The following NCAM2 variants were observed in gnomAD, a reference collection of about 807,000 sequenced individuals.
NCAM2 encodes the protein N-CAM-2.
A neutral mutation model predicts 98.1 loss-of-function variants in NCAM2; 30 were observed. That is an observed-to-expected ratio of 0.31 (90% CI 0.23 to 0.41). The LOEUF (loss-of-function observed/expected upper bound fraction) is 0.41. Among genes scored for constraint, NCAM2 ranks in the 10% least tolerant of loss-of-function variants. NCAM2 has a pLI of 1.00. For synonymous variants in NCAM2, 368 were observed against 342.4 expected, an observed-to-expected ratio of 1.07 and a Z score of -0.83; for missense variants, 867 against 1,005.8, an observed-to-expected ratio of 0.86 and a Z score of 1.87.
Position 21,437,109 on chromosome 21 carries a change from G to T in NCAM2, c.1654+4828G>T, listed in dbSNP as rs77738883. On this transcript the variant is annotated intron_variant, in intron 12 of 17. Coordinates refer to ENST00000400546, the MANE Select transcript of NCAM2 (RefSeq NM_004540.5). ...TTTTAAATGGAAACTAAGGTTCAAA[G>T]TGTTTATGAGAGATTAACACACTTT... is the stretch of plus-strand genomic sequence containing the variant. Among the ~76,000 whole-genome samples, 433 of 152,154 alleles carry T rather than the reference G, an allele frequency of 2.8e-3. 1 individual carries two copies. Among genetic ancestry groups the T allele is most frequent in the African/African-American group, 0.01 (419 of 41,512 alleles).
intron 1 of NCAM2, among the ~76,000 whole-genome samples, chr21:21,104,445 A>T (rs1417880103): frequency 6.6e-6 from 1 of 152,160 alleles, no homozygotes. Flanking sequence ...GATAACTTCT[A>T]CTTCATACTT....
intron 1 of NCAM2, among the ~76,000 whole-genome samples, chr21:21,230,394 C>T (rs181741834): frequency 4.6e-5 from 7 of 151,154 alleles, no homozygotes; most frequent in Admixed American, 1.3e-4. Context: ...AAATTGGCCA[C>T]GCTGTCTATT....
chr21:21,487,220 A>G (rs1213995749), intron 15 of NCAM2, among the ~76,000 whole-genome samples: 1 of 152,172 alleles, frequency 6.6e-6, no homozygotes, highest in Non-Finnish European at 1.5e-5. Context: ...CTGTTGTTAT[A>G]TGCAGCCATA....
At chr21:21,299,281 T>A (rs1421877326) in intron 5 of NCAM2, among the ~76,000 whole-genome samples, 1 of 150,996 alleles carries the variant, frequency 6.6e-6, no homozygotes, top group Non-Finnish European at 1.5e-5. Flanking sequence ...GAATGACCAG[T>A]ATCACCACTA....
rs562791758 is a variant in NCAM2, at chr21:21,518,689, A to C, written c.2282+9634A>C. Among the ~76,000 whole-genome samples, 10 of 151,920 alleles carry C rather than the reference A, an allele frequency of 6.6e-5. No homozygotes were observed. The South Asian group carries it at 8.3e-4, about 13-fold the overall frequency. ...AAGGTATAGATAGAGATATATATTA[A>C]ATTTTATAAGTCTTCTCTTTTGCCC... On this transcript the variant is annotated intron_variant, in intron 16 of 17. Coordinates refer to ENST00000400546, the MANE Select transcript of NCAM2 (RefSeq NM_004540.5).
At chr21:21,029,007 T>C (rs2064613549) in intron 1 of NCAM2, among the ~76,000 whole-genome samples, 1 of 152,214 alleles carries the variant, frequency 6.6e-6, no homozygotes, top group South Asian at 2.1e-4. Flanking sequence ...AGTATTTGAA[T>C]GCAAACAGAG....
chr21:21,323,424 CT>C (rs2074428758), intron 5 of NCAM2, among the ~76,000 whole-genome samples: 1 of 152,062 alleles, frequency 6.6e-6, no homozygotes, highest in Non-Finnish European at 1.5e-5. Flanking sequence ...GACCTGAATG[CT>C]ATTATAGAGA....
intron 9 of NCAM2, 111 bp from the exon 10 acceptor site, chr21:21,410,163 G>A: frequency 3.2e-6 from 2 of 620,754 alleles, no homozygotes; most frequent in South Asian, 5.3e-5. Context: ...CACGAAATTA[G>A]AATTATGTGG....
At chr21:21,298,365 A>G (rs1157283454) in intron 5 of NCAM2, among the ~76,000 whole-genome samples, 3 of 110,674 alleles carry the variant, frequency 2.7e-5, no homozygotes, top group Non-Finnish European at 3.7e-5. Context: ...TAACAATGTT[A>G]TATAATATAC....
chr21:21,354,288 A>C (rs903063577), intron 8 of NCAM2, among the ~76,000 whole-genome samples: 4 of 152,156 alleles, frequency 2.6e-5, no homozygotes, highest in Non-Finnish European at 4.4e-5. Context: ...GTACAGCAAT[A>C]AATTATAACT....
intron 1 of NCAM2, among the ~76,000 whole-genome samples, chr21:21,278,674 C>T (rs1345779204): frequency 6.6e-6 from 1 of 152,046 alleles, no homozygotes; most frequent in African/African-American, 2.4e-5. Context: ...GTCATGTAGA[C>T]CCTGCCCAAG....
At chr21:21,223,841 A>G (rs1356486904) in intron 1 of NCAM2, 1 of 152,192 alleles carries the variant, frequency 6.6e-6, no homozygotes, top group South Asian at 2.1e-4. Context: ...CAGAGATAAA[A>G]TGACATGCCT....
chr21:21,466,090 T>C (rs1983644225), intron 12 of NCAM2, among the ~76,000 whole-genome samples: 1 of 152,050 alleles, frequency 6.6e-6, no homozygotes, highest in South Asian at 2.1e-4. Flanking sequence ...TTAAAACAAC[T>C]TGATTTGATT....
intron 1 of NCAM2, among the ~76,000 whole-genome samples, chr21:21,265,496 A>C (rs890190374): frequency 5.6e-5 from 8 of 142,182 alleles, no homozygotes; most frequent in South Asian, 2.2e-4. Context: ...ACACATATAT[A>C]ATATATGTGT....
intron 14 of NCAM2, among the ~76,000 whole-genome samples, chr21:21,471,374 A>G (rs1984421691): frequency 6.6e-6 from 1 of 152,004 alleles, no homozygotes; most frequent in African/African-American, 2.4e-5. Flanking sequence ...CTACTTCAAA[A>G]AGTTCTTGAT....
At chr21:21,530,206 TA>T (rs770608692) in intron 16 of NCAM2, among the ~76,000 whole-genome samples, 18,496 of 84,076 alleles carry the variant, frequency 0.22, 2,400 homozygotes, top group Admixed American at 0.32. Context: ...TAATTATATA[TA>T]ATTTAATTTA....
intron 8 of NCAM2, among the ~76,000 whole-genome samples, chr21:21,346,194 A>AT (rs1405069040): frequency 1.4e-5 from 2 of 138,574 alleles, no homozygotes; most frequent in African/African-American, 2.8e-5. Flanking sequence ...ACAATATTCC[A>AT]TGCCAACTGA....
At chr21:21,002,191 T>C (rs186191144) in intron 1 of NCAM2, among the ~76,000 whole-genome samples, 2 of 152,246 alleles carry the variant, frequency 1.3e-5, no homozygotes. Flanking sequence ...CACTACTTCA[T>C]ATCAAAGGAG....
intron 1 of NCAM2, among the ~76,000 whole-genome samples, chr21:21,274,071 C>G (rs1296727965): frequency 4.6e-5 from 7 of 151,036 alleles, no homozygotes; most frequent in Non-Finnish European, 1.0e-4. Context: ...AGGCTTGAGG[C>G]AGGAGAATCA....
Sources: gnomAD v4.1 joint callset for allele counts (sites outside exome capture counted in the v4.1 genomes callset) on GRCh38, gnomAD v4.1.1 for gene constraint, MANE v1.5 for transcripts, NCBI Gene and HGNC (gene_info 2026-07-23, HGNC 2026-07-21) for gene names.